HMGCLL1: variants seen among roughly 807,000 people sequenced by gnomAD.
HMGCLL1 encodes 3-hydroxymethyl-3-methylglutaryl-CoA lyase, cytoplasmic.
HMGCLL1 carries 36 observed loss-of-function variants against 39.1 expected under a neutral mutation model. That is an observed-to-expected ratio of 0.92 (90% CI 0.71 to 1.22). The LOEUF (loss-of-function observed/expected upper bound fraction) is 1.22, where lower values mean the gene tolerates loss of function less well. HMGCLL1 is among the 50% of genes most tolerant of loss of function. The pLI, the probability that HMGCLL1 is intolerant of heterozygous loss-of-function variation, is 0.00. For missense variants in HMGCLL1, 451 were observed against 416.5 expected (o/e 1.08, Z -0.72); for synonymous variants, 149 against 144.0 (o/e 1.03, Z -0.25).
chr6:55,624,339 G>C, the HMGCLL1 span, among the ~76,000 whole-genome samples: 1 of 152,120 alleles, frequency 6.6e-6, no homozygotes, highest in Admixed American at 6.6e-5. Context: ...ACTAGATGTG[G>C]TTTCATTGCT....
At chr6:55,489,381 G>A (rs533982199) in intron 7 of HMGCLL1, among the ~76,000 whole-genome samples, 17 of 151,706 alleles carry the variant, frequency 1.1e-4, no homozygotes, top group Non-Finnish European at 2.2e-4. Flanking sequence ...AAGGTAATGA[G>A]TTTTGAAATT....
At chr6:55,574,354 A>G (rs1358044839) in intron 1 of HMGCLL1, among the ~76,000 whole-genome samples, 2 of 151,920 alleles carry the variant, frequency 1.3e-5, no homozygotes, top group Non-Finnish European at 2.9e-5. Context: ...AATACACCAT[A>G]TAGATAATAA....
upstream of HMGCLL1, chr6:55,579,284 C>A (rs1771927991): frequency 1.7e-6 from 1 of 585,048 alleles, no homozygotes. Context: ...CGGGAATCGA[C>A]AGAAATGCCG....
Position 55,576,657 on chromosome 6 carries a change from T to C in HMGCLL1, c.108+2291A>G, listed in dbSNP as rs568336335. Among the ~76,000 whole-genome samples, 11 of 152,240 alleles carry C rather than the reference T, an allele frequency of 7.2e-5. No homozygotes were observed. In the East Asian group the frequency reaches 1.4e-3, roughly 19 times the overall value. ...AGAGATAATGCCATTTTAAAATTGA[T>C]TGGTGCAATGAAGTTGGAAAAATAG... On this transcript the variant is annotated intron_variant, in intron 1 of 8. Transcript: ENST00000274901.
chr6:55,489,075 A>C (rs538378583), intron 7 of HMGCLL1, among the ~76,000 whole-genome samples: 3 of 152,062 alleles, frequency 2.0e-5, no homozygotes, highest in African/African-American at 7.2e-5. Flanking sequence ...ATTCAATCCA[A>C]TGTTCCAAAG....
chr6:55,655,117 T>A, the HMGCLL1 span, among the ~76,000 whole-genome samples: 1 of 152,012 alleles, frequency 6.6e-6, no homozygotes, highest in Non-Finnish European at 1.5e-5. Flanking sequence ...TTTGTATTTC[T>A]CTGTTTCCCA....
intron 7 of HMGCLL1, among the ~76,000 whole-genome samples, chr6:55,450,741 T>G (rs1029524482): frequency 1.3e-5 from 2 of 151,976 alleles, no homozygotes; most frequent in Non-Finnish European, 2.9e-5. Context: ...ATGCCATGAA[T>G]AGAGGAGAAA....
the HMGCLL1 span, among the ~76,000 whole-genome samples, chr6:55,645,435 G>T: frequency 6.6e-6 from 1 of 151,842 alleles, no homozygotes; most frequent in Non-Finnish European, 1.5e-5. Flanking sequence ...CAAGTACTAA[G>T]TTCAATAACA....
At chr6:55,474,143 A>C (rs916837120) in intron 7 of HMGCLL1, among the ~76,000 whole-genome samples, 3 of 151,456 alleles carry the variant, frequency 2.0e-5, no homozygotes, top group Non-Finnish European at 4.4e-5. Context: ...CTATGGGTTC[A>C]TGGCTGTCAT....
chr6:55,564,011 A>G (rs998248093), intron 1 of HMGCLL1: 1 of 498,038 alleles, frequency 2.0e-6, no homozygotes, highest in Non-Finnish European at 3.7e-6. Context: ...AATGCTAAGC[A>G]GAAATGGAAA....
chr6:55,479,771 G>A (rs552780411), intron 7 of HMGCLL1, among the ~76,000 whole-genome samples: 48 of 151,644 alleles, frequency 3.2e-4, no homozygotes, highest in South Asian at 1.2e-3. Context: ...TGTGCATGTC[G>A]ATTGCTTTTA....
At chr6:55,622,101 T>C in the HMGCLL1 span, among the ~76,000 whole-genome samples, 1 of 152,142 alleles carries the variant, frequency 6.6e-6, no homozygotes, top group Middle Eastern at 3.2e-3. Context: ...ATAGAAATGC[T>C]ACTGATTTTT....
intron 1 of HMGCLL1, among the ~76,000 whole-genome samples, chr6:55,564,588 A>T (rs1417042639): frequency 1.3e-5 from 2 of 152,120 alleles, no homozygotes; most frequent in East Asian, 1.9e-4. Context: ...ATATTTCCCA[A>T]CAGAAGTTAT....
intron 8 of HMGCLL1, among the ~76,000 whole-genome samples, chr6:55,438,943 T>C (rs2127379457): frequency 6.6e-6 from 1 of 152,178 alleles, no homozygotes; most frequent in East Asian, 1.9e-4. Flanking sequence ...GAGACTATTC[T>C]TGCCATCCAG....
At chr6:55,483,333 T>C (rs1441683368) in intron 7 of HMGCLL1, among the ~76,000 whole-genome samples, 1 of 152,222 alleles carries the variant, frequency 6.6e-6, no homozygotes, top group African/African-American at 2.4e-5. Flanking sequence ...TGGCACGATT[T>C]CTGCTCACTG....
At chr6:55,527,388 A>G (rs1306266690) in intron 3 of HMGCLL1, among the ~76,000 whole-genome samples, 1 of 151,988 alleles carries the variant, frequency 6.6e-6, no homozygotes, top group Admixed American at 6.6e-5. Context: ...TTCTCAGGAG[A>G]TGTTAGAAAT....
intron 1 of HMGCLL1, among the ~76,000 whole-genome samples, chr6:55,572,237 T>C (rs1035895997): frequency 2.0e-5 from 3 of 151,904 alleles, no homozygotes; most frequent in African/African-American, 7.3e-5. Context: ...AAAGATAAGA[T>C]TGAAAAGAAA....
At chr6:55,600,785 T>A in the HMGCLL1 span, among the ~76,000 whole-genome samples, 4 of 152,172 alleles carry the variant, frequency 2.6e-5, no homozygotes, top group Non-Finnish European at 5.9e-5. Flanking sequence ...ATGCTAATGT[T>A]GCATGCATTT....
At chr6:55,673,228 T>C in the HMGCLL1 span, among the ~76,000 whole-genome samples, 2 of 152,002 alleles carry the variant, frequency 1.3e-5, no homozygotes, top group Non-Finnish European at 2.9e-5. Flanking sequence ...GGCAGGAAAC[T>C]GGTTTCTCTC....
Sources: gnomAD v4.1 joint callset for allele counts (sites outside exome capture counted in the v4.1 genomes callset) on GRCh38, gnomAD v4.1.1 for gene constraint, MANE v1.5 for transcripts, NCBI Gene and HGNC (gene_info 2026-07-23, HGNC 2026-07-21) for gene names.